Variants in PTPRM observed in about 807,000 individuals in gnomAD.
The protein encoded by PTPRM is receptor-type tyrosine-protein phosphatase mu.
In PTPRM, 47 loss-of-function variants were observed where a neutral mutation model predicts 186.7. The observed-to-expected ratio is 0.25, with a 90% confidence interval of 0.20 to 0.32. PTPRM has a LOEUF of 0.32. Among genes scored for constraint, PTPRM ranks in the 10% least tolerant of loss-of-function variants. The pLI is 1.00. For synonymous variants in PTPRM, 668 were observed against 674.9 expected, an observed-to-expected ratio of 0.99 and a Z score of 0.16; for missense variants, 1,494 against 1,865.0, an observed-to-expected ratio of 0.80 and a Z score of 3.66.
intron 1 of PTPRM, among the ~76,000 whole-genome samples, chr18:7,649,671 G>T (rs2038649039): frequency 6.6e-6 from 1 of 152,044 alleles, no homozygotes; most frequent in Non-Finnish European, 1.5e-5. Flanking sequence ...GTTGCAGTGA[G>T]CTCAGATGGC....
In PTPRM at chr18:7,584,568, A is replaced by AT. The variant is rs111705725; in HGVS notation, c.73+16688dup. ...AGTGAGAAATTGTGATTGTGTTGGC[A>AT]TTTTTTTTTTTCTCTTGGGATGCTT... On this transcript the variant is annotated intron_variant, in intron 1 of 32. Transcript: ENST00000580170. Among the ~76,000 whole-genome samples the AT allele has an allele frequency of 5.5e-3, 804 of 147,512 alleles. 28 individuals carry two copies. The highest frequency in any genetic ancestry group is 0.045 in the Admixed American group (663 of 14,762).
rs1167304162 is a variant in PTPRM, at chr18:8,379,226, C to T, written c.3672C>T (p.Pro1224=). ...RVEDCSIALL[P]RNHEKNRCMD... is the part of the protein sequence containing the mutation. The stretch of plus-strand genomic sequence containing the variant: ...AGGACTGCAGCATCGCACTGTTGCC[C>T]CGGAACCATGAGAAAAACCGGTGCA... The change falls in exon 28 of 33, where the codon CCC becomes CCT. Residue 1224 remains proline (P), a synonymous_variant. Coordinates refer to ENST00000580170, the MANE Select transcript of PTPRM (RefSeq NM_001105244.2). The T allele has an allele frequency of 6.2e-7, 1 of 1,613,896 alleles. No homozygotes were observed. The highest frequency in any genetic ancestry group is 1.3e-5 in the African/African-American group (1 of 74,888).
intron 14 of PTPRM, among the ~76,000 whole-genome samples, chr18:8,230,554 G>A (rs1293180178): frequency 1.3e-5 from 2 of 152,218 alleles, no homozygotes; most frequent in African/African-American, 2.4e-5. Context: ...TAGCACCACT[G>A]TGCCTCAGTT....
chr18:8,212,495 A>G (rs1280424238), intron 14 of PTPRM, among the ~76,000 whole-genome samples: 3 of 152,236 alleles, frequency 2.0e-5, no homozygotes, highest in Non-Finnish European at 4.4e-5. Flanking sequence ...ATATTTACAT[A>G]TGTAAGAAAT....
In PTPRM at chr18:7,772,466, C is replaced by CTTCCTTCCTTCT. The variant is rs1568109282; in HGVS notation, c.74-1672_74-1671insTTTCCTTCCTTC. The stretch of plus-strand genomic sequence containing the variant: ...TTCCCCTTCCTTCCTTCCTTCCTTC[C>CTTCCTTCCTTCT]TTCCTTCCTTCCTTCCTTCCTTCCT... On this transcript the variant is annotated intron_variant, in intron 1 of 32. Transcript: ENST00000580170. Among the ~76,000 whole-genome samples, 80 of 130,994 alleles carry CTTCCTTCCTTCT rather than the reference C, an allele frequency of 6.1e-4. 1 individual carries two copies. The highest frequency in any genetic ancestry group is 1.3e-4 in the Non-Finnish European group (8 of 62,324). The allele number at this position is 130,994 out of a possible 152,430, so 85.9% of individuals were successfully genotyped here.
intron 5 of PTPRM, among the ~76,000 whole-genome samples, chr18:7,943,217 C>G (rs909980245): frequency 6.6e-6 from 1 of 152,144 alleles, no homozygotes; most frequent in Non-Finnish European, 1.5e-5. Flanking sequence ...CCGCTCTTCT[C>G]CAGTGTAGAC....
chr18:8,406,257 C>T lies in PTPRM; in HGVS notation c.*95C>T, dbSNP rs1460085373. The T allele has an allele frequency of 8.3e-7, 1 of 1,200,364 alleles. No homozygotes were observed. Among genetic ancestry groups the T allele is most frequent in the Non-Finnish European group, 1.2e-6 (1 of 839,086 alleles). The allele number at this position is 1,200,364 out of a possible 1,614,324, so 74.4% of individuals were successfully genotyped here. ...AAAGAGATGAAGACTTCTCAATATG[C>T]TTATTTTGCTTTGCATAATTGGCTC... On this transcript the variant is annotated 3_prime_UTR_variant, in exon 33 of 33. Coordinates refer to ENST00000580170, the MANE Select transcript of PTPRM (RefSeq NM_001105244.2).
chr18:7,664,051 T>C (rs1464802553), intron 1 of PTPRM, among the ~76,000 whole-genome samples: 2 of 151,772 alleles, frequency 1.3e-5, no homozygotes, highest in African/African-American at 2.4e-5. Flanking sequence ...GGTAGCTAGA[T>C]TGGGAAAGGG....
At chr18:8,356,152 A>G (rs2095562149) in intron 23 of PTPRM, among the ~76,000 whole-genome samples, 1 of 152,240 alleles carries the variant, frequency 6.6e-6, no homozygotes, top group Non-Finnish European at 1.5e-5. Flanking sequence ...GCCAGCCTGC[A>G]GCGTTGAGGC....
intron 2 of PTPRM, among the ~76,000 whole-genome samples, chr18:7,832,441 A>G (rs1379239305): frequency 1.3e-5 from 2 of 148,192 alleles, no homozygotes; most frequent in Non-Finnish European, 3.0e-5. Flanking sequence ...AGACGTGTCT[A>G]TTAAAATATT....
intron 7 of PTPRM, among the ~76,000 whole-genome samples, chr18:8,048,659 T>C (rs1222573492): frequency 4.0e-5 from 6 of 151,726 alleles, no homozygotes; most frequent in African/African-American, 7.3e-5. Context: ...CAGAGTTGAG[T>C]GTGGTCTTTT....
chr18:7,601,087 C>A (rs574205678), intron 1 of PTPRM, among the ~76,000 whole-genome samples: 1 of 152,188 alleles, frequency 6.6e-6, no homozygotes, highest in Non-Finnish European at 1.5e-5. Context: ...GGCCCAGTGG[C>A]GTGGCTTTCC....
intron 2 of PTPRM, among the ~76,000 whole-genome samples, chr18:7,847,067 A>G (rs771363223): frequency 7.3e-5 from 11 of 151,150 alleles, no homozygotes; most frequent in Non-Finnish European, 1.5e-4. Context: ...GCAGTTAGTT[A>G]TCTAGTAGTT....
chr18:8,248,001 G>A, intron 16 of PTPRM, 82 bp downstream of exon 16: 1 of 1,378,774 alleles, frequency 7.3e-7, no homozygotes, highest in Non-Finnish European at 1.0e-6. Context: ...TATCCCTGGT[G>A]CTTGAGGGGC....
chr18:8,047,989 G>A (rs1056789457), intron 7 of PTPRM, among the ~76,000 whole-genome samples: 4 of 152,138 alleles, frequency 2.6e-5, no homozygotes, highest in African/African-American at 9.7e-5. Flanking sequence ...GTATGAATCC[G>A]TCCATTTTCA....
intron 22 of PTPRM, among the ~76,000 whole-genome samples, chr18:8,326,271 C>T (rs999449780): frequency 1.8e-4 from 27 of 151,918 alleles, no homozygotes; most frequent in African/African-American, 6.3e-4. Flanking sequence ...AAACACTGCC[C>T]AAAGAAATCA....
chr18:7,920,501 C>T (rs1218533583), intron 4 of PTPRM, among the ~76,000 whole-genome samples: 1 of 152,164 alleles, frequency 6.6e-6, no homozygotes, highest in Non-Finnish European at 1.5e-5. Context: ...CCATCCCCCT[C>T]ACATTTTGAA....
At chr18:7,743,828 A>G (rs2040931177) in intron 1 of PTPRM, among the ~76,000 whole-genome samples, 1 of 152,336 alleles carries the variant, frequency 6.6e-6, no homozygotes, top group East Asian at 1.9e-4. Context: ...AAAATTAATA[A>G]TACTTTTGTT....
At chr18:7,986,368 C>A (rs1041110590) in intron 7 of PTPRM, among the ~76,000 whole-genome samples, 2 of 152,178 alleles carry the variant, frequency 1.3e-5, no homozygotes, top group African/African-American at 4.8e-5. Flanking sequence ...CTGTATGGTT[C>A]TGGTCCGTTC....
Sources: gnomAD v4.1 joint callset for allele counts (sites outside exome capture counted in the v4.1 genomes callset) on GRCh38, gnomAD v4.1.1 for gene constraint, MANE v1.5 for transcripts, NCBI Gene and HGNC (gene_info 2026-07-23, HGNC 2026-07-21) for gene names.